The following AFG1L variants were observed in gnomAD, a reference collection of about 807,000 sequenced individuals.
The protein encoded by AFG1L is AFG1 like ATPase, also known as AFG1-like ATPase.
Under a neutral mutation model 62.2 loss-of-function variants are expected in AFG1L, and 53 were observed. That is an observed-to-expected ratio of 0.85 (90% CI 0.68 to 1.07). The LOEUF is 1.07. Among genes scored for constraint, AFG1L ranks in the 50% least tolerant of loss-of-function variants. AFG1L has a pLI of 0.00. For missense variants in AFG1L, 555 were observed against 590.5 expected (o/e 0.94, Z 0.62); for synonymous variants, 228 against 210.3 (o/e 1.08, Z -0.73).
At chr6:108,340,881 A>G (rs1476549935) in intron 2 of AFG1L, among the ~76,000 whole-genome samples, 2 of 152,204 alleles carry the variant, frequency 1.3e-5, no homozygotes, top group East Asian at 3.8e-4. Context: ...AGGACTTTCA[A>G]CCCAATGCCT....
chr6:108,419,139 T>A (rs1337132088), intron 7 of AFG1L, among the ~76,000 whole-genome samples: 1 of 152,206 alleles, frequency 6.6e-6, no homozygotes, highest in Non-Finnish European at 1.5e-5. Context: ...ATTTTCAATG[T>A]GAATTTCATT....
At chr6:108,499,209 C>T (rs1774092557) in intron 10 of AFG1L, among the ~76,000 whole-genome samples, 1 of 151,292 alleles carries the variant, frequency 6.6e-6, no homozygotes, top group Admixed American at 6.6e-5. Flanking sequence ...GCTGGGACTA[C>T]AGGCACGTGC....
intron 1 of AFG1L, among the ~76,000 whole-genome samples, chr6:108,321,520 T>G (rs1220348874): frequency 6.6e-6 from 1 of 152,184 alleles, no homozygotes; most frequent in African/African-American, 2.4e-5. Flanking sequence ...GTCACCTCCT[T>G]AACATAAACT....
intron 7 of AFG1L, among the ~76,000 whole-genome samples, chr6:108,412,235 A>T (rs1782151758): frequency 6.6e-6 from 1 of 152,214 alleles, no homozygotes; most frequent in Non-Finnish European, 1.5e-5. Context: ...AAAAGCAACA[A>T]ACAAAGCCTC....
At chr6:108,335,461 A>C (rs528226754) in intron 2 of AFG1L, among the ~76,000 whole-genome samples, 1 of 152,194 alleles carries the variant, frequency 6.6e-6, no homozygotes, top group African/African-American at 2.4e-5. Context: ...GTGTGCCTAT[A>C]TCCACGTATG....
At chr6:108,413,675 A>G (rs1274355238) in intron 7 of AFG1L, among the ~76,000 whole-genome samples, 1 of 152,246 alleles carries the variant, frequency 6.6e-6, no homozygotes, top group Non-Finnish European at 1.5e-5. Flanking sequence ...ACTACTGGGT[A>G]CATAACAAAA....
intron 7 of AFG1L, among the ~76,000 whole-genome samples, chr6:108,420,963 G>A (rs1466856160): frequency 6.6e-6 from 1 of 152,112 alleles, no homozygotes; most frequent in African/African-American, 2.4e-5. Flanking sequence ...AGATAAATTA[G>A]TTTAATTACA....
intron 7 of AFG1L, among the ~76,000 whole-genome samples, chr6:108,402,919 G>A (rs1781693754): frequency 6.6e-6 from 1 of 152,028 alleles, no homozygotes; most frequent in Non-Finnish European, 1.5e-5. Flanking sequence ...ATATTTGTGT[G>A]TATCATCACT....
chr6:108,329,947 C>G (rs1053387403), intron 2 of AFG1L, among the ~76,000 whole-genome samples: 2 of 152,046 alleles, frequency 1.3e-5, no homozygotes. Flanking sequence ...TGGATTAGTC[C>G]ATTCGTGGAG....
At chr6:108,362,714 T>G in intron 5 of AFG1L, among the ~76,000 whole-genome samples, 1 of 152,206 alleles carries the variant, frequency 6.6e-6, no homozygotes, top group Non-Finnish European at 1.5e-5. Context: ...ACTAACAGTT[T>G]AAGTCCAGCA....
intron 2 of AFG1L, among the ~76,000 whole-genome samples, chr6:108,325,897 C>T (rs1778024036): frequency 6.6e-6 from 1 of 152,158 alleles, no homozygotes; most frequent in South Asian, 2.1e-4. Flanking sequence ...ATTCTCCTGC[C>T]TCCCAAATAG....
chr6:108,491,605 C>T (rs946109719), intron 10 of AFG1L, among the ~76,000 whole-genome samples: 3 of 152,004 alleles, frequency 2.0e-5, no homozygotes, highest in Non-Finnish European at 2.9e-5. Flanking sequence ...CATGTTATTC[C>T]GGCCTTTCAT....
intron 7 of AFG1L, among the ~76,000 whole-genome samples, chr6:108,440,012 T>C (rs1356803946): frequency 6.6e-6 from 1 of 152,146 alleles, no homozygotes; most frequent in Non-Finnish European, 1.5e-5. Flanking sequence ...ATATATAATA[T>C]GATAGATGTC....
chr6:108,324,349 A>G (rs1331989936), intron 2 of AFG1L, among the ~76,000 whole-genome samples: 1 of 152,230 alleles, frequency 6.6e-6, no homozygotes, highest in African/African-American at 2.4e-5. Context: ...AGGGATCAGC[A>G]GTGGAAAAGG....
chr6:108,430,347 G>T (rs1009853078), intron 7 of AFG1L, among the ~76,000 whole-genome samples: 8 of 152,176 alleles, frequency 5.3e-5, no homozygotes, highest in African/African-American at 1.9e-4. Context: ...TCATACTCTG[G>T]ACATTTTATT....
intron 7 of AFG1L, among the ~76,000 whole-genome samples, chr6:108,439,314 A>G (rs767489843): frequency 7.2e-5 from 11 of 152,244 alleles, no homozygotes; most frequent in Non-Finnish European, 1.2e-4. Flanking sequence ...CCCAACCTGT[A>G]GTATTCAATT....
rs1422436451 is a variant in AFG1L, at chr6:108,523,140, C to T, written c.*715C>T. 2 of 131,306 alleles carry T rather than the reference C, an allele frequency of 1.5e-5. No homozygotes were observed. Among genetic ancestry groups the T allele is most frequent in the Non-Finnish European group, 3.0e-5 (2 of 65,652 alleles). 8.1% of individuals were successfully genotyped at this position (131,306 alleles called of 1,614,324 possible). ...TCTGCAGGCAGAGCTACAAACTCTGCAGCCAGGAATGGGGACCAGTGAGAG... is the reference window on the plus strand; with the variant it reads ...TCTGCAGGCAGAGCTACAAACTCTGTAGCCAGGAATGGGGACCAGTGAGAG... On this transcript the variant is annotated 3_prime_UTR_variant, in exon 13 of 13. Transcript: ENST00000368977.
intron 7 of AFG1L, among the ~76,000 whole-genome samples, chr6:108,407,956 C>A (rs1582537532): frequency 6.6e-6 from 1 of 152,044 alleles, no homozygotes; most frequent in East Asian, 1.9e-4. Context: ...TTGATTTTTT[C>A]CCCCTGGTTG....
chr6:108,298,010 A>G (rs1776836832), intron 1 of AFG1L, among the ~76,000 whole-genome samples: 1 of 152,100 alleles, frequency 6.6e-6, no homozygotes, highest in Non-Finnish European at 1.5e-5. Flanking sequence ...TTTCTGTTTC[A>G]TAATTTAATC....
Sources: gnomAD v4.1 joint callset for allele counts (sites outside exome capture counted in the v4.1 genomes callset) on GRCh38, gnomAD v4.1.1 for gene constraint, MANE v1.5 for transcripts, NCBI Gene and HGNC (gene_info 2026-07-23, HGNC 2026-07-21) for gene names.